EIF4A3: variants seen among roughly 807,000 people sequenced by gnomAD.
EIF4A3 encodes the protein eukaryotic initiation factor 4A-III.
In EIF4A3, 1 loss-of-function variant was observed where a neutral mutation model predicts 55.6. That is an observed-to-expected ratio of 0.02 (90% CI 0.01 to 0.09). The LOEUF is 0.09. Ranked by LOEUF, EIF4A3 falls within the 10% of genes least tolerant of loss-of-function variation. EIF4A3 has a pLI of 1.00. For synonymous variants in EIF4A3, 194 were observed against 196.3 expected, an observed-to-expected ratio of 0.99 and a Z score of 0.10; for missense variants, 221 against 540.7, an observed-to-expected ratio of 0.41 and a Z score of 5.86.
At chr17:80,144,117 C>T in intron 2 of EIF4A3, 55 bp downstream of exon 2, 1 of 1,547,480 alleles carries the variant, frequency 6.5e-7, no homozygotes, top group Non-Finnish European at 8.9e-7. Flanking sequence ...CATCTAACTG[C>T]ACTGCGCTGC....
intron 5 of EIF4A3, 50 bp downstream of exon 5, chr17:80,139,958 T>G: frequency 1.3e-6 from 2 of 1,591,942 alleles, no homozygotes; most frequent in East Asian, 2.2e-5. Flanking sequence ...ATTTAAGCAC[T>G]TCTTACAAAT....
intron 9 of EIF4A3, chr17:80,136,586 A>C: frequency 1.9e-6 from 1 of 523,056 alleles, no homozygotes; most frequent in South Asian, 2.9e-5. Context: ...GACATCTTTT[A>C]CTAGACTATC....
In EIF4A3 at chr17:80,136,136, A is replaced by G. The variant is rs767492559; in HGVS notation, c.1092-5T>C. On this transcript the variant is annotated splice_region_variant and splice_polypyrimidine_tract_variant and intron_variant, in intron 10 of 11. Coordinates refer to ENST00000649764, the MANE Select transcript of EIF4A3 (RefSeq NM_014740.4). Reference sequence around the variant, plus strand: ...TATCGACCTGATCTCCCAATTCTTCAGGAATAAAATAATATTACAGTTAGT... The same window carrying G: ...TATCGACCTGATCTCCCAATTCTTCGGGAATAAAATAATATTACAGTTAGT... The G allele has an allele frequency of 4.3e-6, 7 of 1,613,812 alleles. No individual in the cohort carries two copies. In the East Asian group the frequency reaches 1.6e-4, roughly 36 times the overall value.
chr17:80,144,302 C>T, intron 1 of EIF4A3, 58 bp from the exon 2 acceptor site: 1 of 1,511,110 alleles, frequency 6.6e-7, no homozygotes. Flanking sequence ...AAACCCTGTA[C>T]TGTGAGCTCC....
chr17:80,137,142 C>T (rs1337994720), intron 9 of EIF4A3: 8 of 359,664 alleles, frequency 2.2e-5, no homozygotes, highest in Non-Finnish European at 3.5e-5. Context: ...AGAAGACACA[C>T]GCTTGTAACC....
chr17:80,140,750 T>C (rs1001555610), intron 4 of EIF4A3, among the ~76,000 whole-genome samples: 3 of 152,126 alleles, frequency 2.0e-5, no homozygotes, highest in Admixed American at 1.3e-4. Flanking sequence ...TTAATATACA[T>C]CTTTTTAAAC....
At chr17:80,136,554 G>A (rs1178424956) in intron 9 of EIF4A3, 5 of 546,136 alleles carry the variant, frequency 9.2e-6, no homozygotes, top group African/African-American at 1.9e-5. Flanking sequence ...TCGGTCATGT[G>A]CTCCATCAGA....
At chr17:80,135,674 T>C in intron 11 of EIF4A3, 168 bp from the exon 12 acceptor site, 1 of 649,132 alleles carries the variant, frequency 1.5e-6, no homozygotes, top group South Asian at 2.0e-5. Context: ...GGTGGGCAGA[T>C]CATTTGAGGC....
chr17:80,146,511 G>A (rs1054795697), intron 1 of EIF4A3, among the ~76,000 whole-genome samples: 4 of 152,226 alleles, frequency 2.6e-5, no homozygotes, highest in African/African-American at 9.6e-5. Flanking sequence ...TCAGTTATCT[G>A]CTGAATGAAG....
At chr17:80,139,209 C>A in intron 6 of EIF4A3, 47 bp from the exon 7 acceptor site, 1 of 1,606,028 alleles carries the variant, frequency 6.2e-7, no homozygotes, top group Non-Finnish European at 8.5e-7. Context: ...GGCGGCACAC[C>A]CAGAAATGGA....
chr17:80,144,934 T>C (rs1317972625), intron 1 of EIF4A3, among the ~76,000 whole-genome samples: 1 of 152,250 alleles, frequency 6.6e-6, no homozygotes, highest in Admixed American at 6.5e-5. Context: ...GTAAATAAAA[T>C]TTTATGTACA....
At position 80,134,894 on chromosome 17, in the gene EIF4A3, G is replaced by A. The variant is rs2039557690; in HGVS notation, c.*596C>T. On this transcript the variant is annotated 3_prime_UTR_variant, in exon 12 of 12. Coordinates refer to ENST00000649764, the MANE Select transcript of EIF4A3 (RefSeq NM_014740.4). ...GGGCCGGGTGCAGTGGCTCACGCCT[G>A]TAATCCCAGCACTTTGGGAGGCCGA... 1.3e-5 allele frequency among the ~76,000 whole-genome samples: 2 copies of A among 152,148 alleles called. No individual in the cohort carries two copies. Among genetic ancestry groups the A allele is most frequent in the Admixed American group, 6.5e-5 (1 of 15,268 alleles).
chr17:80,146,755 T>G, intron 1 of EIF4A3, 38 bp downstream of exon 1: 1 of 1,590,066 alleles, frequency 6.3e-7, no homozygotes, highest in African/African-American at 1.4e-5. Context: ...CGCCCCCGAC[T>G]CGCCCCCGGC....
intron 6 of EIF4A3, 78 bp downstream of exon 6, chr17:80,139,592 C>A: frequency 7.9e-7 from 1 of 1,258,318 alleles, no homozygotes; most frequent in South Asian, 1.3e-5. Context: ...CAGTCACTGG[C>A]TGTTTCAATT....
chr17:80,137,707 C>T, intron 8 of EIF4A3: 2 of 545,660 alleles, frequency 3.7e-6, no homozygotes, highest in South Asian at 2.2e-5. Context: ...ACTTCATTTT[C>T]TCCATATAAT....
chr17:80,139,526 A>G (rs187836981), intron 6 of EIF4A3, 144 bp downstream of exon 6: 9 of 776,340 alleles, frequency 1.2e-5, no homozygotes, highest in South Asian at 1.9e-5. Context: ...TTTTTTGTTC[A>G]TAATTGCCAA....
In EIF4A3 at chr17:80,136,355, T is replaced by G; in HGVS notation, c.984-20A>C. 6.3e-7 allele frequency: 1 copy of G among 1,586,982 alleles called. No homozygotes were observed. Among genetic ancestry groups the G allele is most frequent in the Non-Finnish European group, 8.6e-7 (1 of 1,160,102 alleles). On this transcript the variant is annotated intron_variant, in intron 9 of 11. Transcript: ENST00000649764. ...ACTCGGCTGCAAAAAGAAAGAGTGT[T>G]TGAGGCGATTAAATTACTCATACAA...
At chr17:80,142,424 T>C (rs72850894) in intron 2 of EIF4A3, among the ~76,000 whole-genome samples, 9,056 of 152,264 alleles carry the variant, frequency 0.059, 369 homozygotes, top group Middle Eastern at 0.092. Context: ...AGGGCTCTAA[T>C]CTTCCCTGCC....
At chr17:80,144,109 T>A in intron 2 of EIF4A3, 63 bp downstream of exon 2, 2 of 1,493,174 alleles carry the variant, frequency 1.3e-6, no homozygotes, top group Non-Finnish European at 1.9e-6. Flanking sequence ...TCCCAGAGCA[T>A]CTAACTGCAC....
Sources: gnomAD v4.1 joint callset for allele counts (sites outside exome capture counted in the v4.1 genomes callset) on GRCh38, gnomAD v4.1.1 for gene constraint, MANE v1.5 for transcripts, NCBI Gene and HGNC (gene_info 2026-07-23, HGNC 2026-07-21) for gene names.